Variants in CDH11 observed in about 807,000 individuals in gnomAD.
CDH11 encodes cadherin-11.
CDH11 carries 11 observed loss-of-function variants against 67.8 expected under a neutral mutation model. The ratio of observed to expected loss-of-function variants is 0.16; its 90% CI spans 0.10 to 0.27. The LOEUF (loss-of-function observed/expected upper bound fraction) is 0.27. Among genes scored for constraint, CDH11 ranks in the 10% least tolerant of loss-of-function variants. The pLI is 1.00. For synonymous variants in CDH11, 419 were observed against 400.0 expected (o/e 1.05, Z -0.57); for missense variants, 847 against 1,031.2 (o/e 0.82, Z 2.45).
rs533716758 is a variant in CDH11, at chr16:64,989,059, G to A, written c.812-715C>T. On this transcript the variant is annotated intron_variant, in intron 6 of 12. Transcript: ENST00000268603. ...GTTTTGTTTACTACTAAACAAAACA[G>A]TCAAGATTCCTCTCTTAATGAGGCC... Among the ~76,000 whole-genome samples the A allele has an allele frequency of 4.6e-5, 7 of 152,230 alleles. 1 individual carries two copies. In the South Asian group the frequency reaches 1.0e-3, roughly 23 times the overall value.
At chr16:64,950,638 C>G in intron 12 of CDH11, 129 bp downstream of exon 12, 1 of 609,544 alleles carries the variant, frequency 1.6e-6, no homozygotes, top group Non-Finnish European at 2.4e-6. Flanking sequence ...TACCCCACTT[C>G]TTTTCTTGAA....
chr16:65,088,007 C>A (rs533581632), intron 1 of CDH11, among the ~76,000 whole-genome samples: 40 of 152,118 alleles, frequency 2.6e-4, no homozygotes, highest in Non-Finnish European at 4.9e-4. Flanking sequence ...GATATCTCCT[C>A]AAAATTTATT....
chr16:65,021,262 T>C (rs916114273), intron 2 of CDH11, among the ~76,000 whole-genome samples: 4 of 152,188 alleles, frequency 2.6e-5, no homozygotes, highest in African/African-American at 9.7e-5. Context: ...GGTAACTGAA[T>C]GCAAAACAGA....
intron 1 of CDH11, among the ~76,000 whole-genome samples, chr16:65,064,900 G>C (rs112814675): frequency 6.6e-6 from 1 of 152,168 alleles, no homozygotes. Context: ...TGAGGAACAC[G>C]GATCCATGGC....
intron 4 of CDH11, among the ~76,000 whole-genome samples, chr16:64,994,084 G>A (rs367836690): frequency 7.9e-5 from 12 of 152,304 alleles, no homozygotes; most frequent in African/African-American, 2.9e-4. Flanking sequence ...TTCTATGTGG[G>A]AGGCAAGGGA....
At chr16:64,994,425 G>C (rs1341355753) in intron 4 of CDH11, among the ~76,000 whole-genome samples, 2 of 151,970 alleles carry the variant, frequency 1.3e-5, no homozygotes, top group African/African-American at 4.8e-5. Context: ...TTTATAGATG[G>C]CAAAATAAAA....
chr16:64,947,641 A>G lies in CDH11; in HGVS notation c.2353T>C (p.Leu785=), dbSNP rs143166188. 1.6e-5 allele frequency: 26 copies of G among 1,613,882 alleles called. No individual in the cohort carries two copies. The highest frequency in any genetic ancestry group is 2.2e-5 in the Non-Finnish European group (26 of 1,179,950). Residue 785 remains leucine (L), a synonymous_variant, in exon 13 of 13, where the codon TTG becomes CTG. Coordinates refer to ENST00000268603, the MANE Select transcript of CDH11 (RefSeq NM_001797.4). ...WGPRFKKLAD[L]YGSKDTFDDD... is the part of the protein sequence containing the mutation. The stretch of plus-strand genomic sequence containing the variant: ...TCAAAAGTGTCTTTGGAACCATACA[A>G]ATCTGCTAGTTTCTTAAAACGAGGT...
intron 2 of CDH11, among the ~76,000 whole-genome samples, chr16:65,011,112 T>C (rs2073175236): frequency 7.3e-6 from 1 of 136,998 alleles, no homozygotes; most frequent in African/African-American, 2.7e-5. Context: ...TATATATATA[T>C]ACATACACAC....
intron 2 of CDH11, among the ~76,000 whole-genome samples, chr16:65,019,942 AAC>A (rs2073389540): frequency 6.6e-6 from 1 of 152,194 alleles, no homozygotes; most frequent in Non-Finnish European, 1.5e-5. Flanking sequence ...TTTTACCAAA[AAC>A]ACATTCTACT....
intron 1 of CDH11, among the ~76,000 whole-genome samples, chr16:65,075,822 C>A (rs2074499151): frequency 6.6e-6 from 1 of 152,200 alleles, no homozygotes. Flanking sequence ...AGTTAAACCT[C>A]TCTTACCAAG....
chr16:64,972,187 T>C, intron 9 of CDH11, 123 bp from the exon 10 acceptor site: 1 of 784,296 alleles, frequency 1.3e-6, no homozygotes, highest in South Asian at 1.8e-5. Flanking sequence ...AAGATGTTCT[T>C]GTCACAGAAT....
At chr16:65,068,101 G>A (rs1222305771) in intron 1 of CDH11, among the ~76,000 whole-genome samples, 11 of 137,234 alleles carry the variant, frequency 8.0e-5, no homozygotes, top group Non-Finnish European at 1.3e-4. Flanking sequence ...AAAGAAAGGC[G>A]GGAAGGAGGG....
At chr16:65,048,314 C>T (rs2073997935) in intron 2 of CDH11, among the ~76,000 whole-genome samples, 1 of 152,156 alleles carries the variant, frequency 6.6e-6, no homozygotes, top group South Asian at 2.1e-4. Flanking sequence ...ATTAACACAA[C>T]CTTCGTGAAA....
chr16:65,038,921 A>T (rs933225573), intron 2 of CDH11, among the ~76,000 whole-genome samples: 2 of 152,200 alleles, frequency 1.3e-5, no homozygotes, highest in Non-Finnish European at 2.9e-5. Context: ...AAGTGAGGAC[A>T]TTTAACTTTA....
At chr16:65,117,745 T>C (rs1190546275) in intron 1 of CDH11, among the ~76,000 whole-genome samples, 3 of 152,214 alleles carry the variant, frequency 2.0e-5, no homozygotes, top group Admixed American at 6.5e-5. Flanking sequence ...GGTGTCACGG[T>C]AGTCTCACTG....
intron 4 of CDH11, among the ~76,000 whole-genome samples, chr16:64,993,785 G>A (rs1388213166): frequency 6.6e-6 from 1 of 152,096 alleles, no homozygotes; most frequent in Non-Finnish European, 1.5e-5. Flanking sequence ...AAGTATCTGG[G>A]GCATGGCATG....
chr16:65,034,670 A>G (rs1401534497), intron 2 of CDH11, among the ~76,000 whole-genome samples: 1 of 152,184 alleles, frequency 6.6e-6, no homozygotes, highest in East Asian at 1.9e-4. Flanking sequence ...TAAATGCTCA[A>G]AAAATACTAT....
At chr16:64,955,687 G>A (rs1022359235) in intron 11 of CDH11, among the ~76,000 whole-genome samples, 10 of 152,126 alleles carry the variant, frequency 6.6e-5, no homozygotes, top group African/African-American at 2.2e-4. Flanking sequence ...CAAGGCTACA[G>A]TGAGCTATAA....
At chr16:64,961,512 T>C (rs941662474) in intron 11 of CDH11, among the ~76,000 whole-genome samples, 4 of 152,186 alleles carry the variant, frequency 2.6e-5, no homozygotes, top group Non-Finnish European at 4.4e-5. Flanking sequence ...AGTATGTCAG[T>C]GCCTTTATCT....
Sources: gnomAD v4.1 joint callset for allele counts (sites outside exome capture counted in the v4.1 genomes callset) on GRCh38, gnomAD v4.1.1 for gene constraint, MANE v1.5 for transcripts, NCBI Gene and HGNC (gene_info 2026-07-23, HGNC 2026-07-21) for gene names.